Variants in TMEM114 observed in about 807,000 individuals in gnomAD.
TMEM114 encodes transmembrane protein 114, also known as claudin-26.
In TMEM114, 6 loss-of-function variants were observed where a neutral mutation model predicts 6.2. The observed-to-expected ratio is 0.97, with a 90% CI of 0.53 to 1.91. TMEM114 has a LOEUF of 1.91. TMEM114 is among the 40% of genes most tolerant of loss of function. The pLI is 0.01. For missense variants in TMEM114, 218 were observed against 158.3 expected (o/e 1.38, Z -2.02); for synonymous variants, 104 against 73.0 (o/e 1.42, Z -2.16).
At chr16:8,561,200 T>C (rs1223895076) in intron 2 of TMEM114, among the ~76,000 whole-genome samples, 3 of 152,254 alleles carry the variant, frequency 2.0e-5, no homozygotes, top group Admixed American at 6.5e-5. Context: ...TACTCCTGTC[T>C]GTCCAGCCCT....
At chr16:8,527,513 A>G in the TMEM114 span, among the ~76,000 whole-genome samples, 2 of 150,590 alleles carry the variant, frequency 1.3e-5, no homozygotes, top group Admixed American at 1.3e-4. Flanking sequence ...CAACTGTAAC[A>G]CCCAAGCAAG....
At chr16:8,542,142 T>TA (rs1555461288) in intron 2 of TMEM114, among the ~76,000 whole-genome samples, 3 of 150,128 alleles carry the variant, frequency 2.0e-5, no homozygotes, top group South Asian at 2.1e-4. Flanking sequence ...GGATGATTCG[T>TA]GGGGGGGGGT....
At chr16:8,571,311 C>G (rs1901726524) in intron 3 of TMEM114, among the ~76,000 whole-genome samples, 1 of 152,004 alleles carries the variant, frequency 6.6e-6, no homozygotes, top group African/African-American at 2.4e-5. Flanking sequence ...GTTTAATTGA[C>G]AAGTAAAAAT....
intron 2 of TMEM114, among the ~76,000 whole-genome samples, chr16:8,541,707 T>G (rs1443170608): frequency 6.6e-6 from 1 of 152,138 alleles, no homozygotes; most frequent in Non-Finnish European, 1.5e-5. Context: ...TAATGAAAAT[T>G]TCATATTCTC....
intron 2 of TMEM114, among the ~76,000 whole-genome samples, chr16:8,548,977 T>C (rs1900757902): frequency 6.7e-6 from 1 of 149,526 alleles, no homozygotes; most frequent in Non-Finnish European, 1.5e-5. Flanking sequence ...GGTCAGGAGA[T>C]CAAGACCATC....
At chr16:8,564,683 GAGTGAGTGAA>G (rs1901462546), downstream of TMEM114, among the ~76,000 whole-genome samples, 1 of 16,900 alleles carries the variant, frequency 5.9e-5, no homozygotes, top group South Asian at 1.6e-3. Flanking sequence ...ATGAGTGAAT[GAGTGAGTGAA>G]TGAGTGAGTG....
intron 2 of TMEM114, among the ~76,000 whole-genome samples, chr16:8,562,393 T>C (rs1901272702): frequency 6.6e-6 from 1 of 150,498 alleles, no homozygotes; most frequent in South Asian, 2.1e-4. Flanking sequence ...AGGGAATGAG[T>C]GAGTGAGTGA....
downstream of TMEM114, among the ~76,000 whole-genome samples, chr16:8,566,644 C>T (rs1425656217): frequency 6.6e-6 from 1 of 152,184 alleles, no homozygotes; most frequent in East Asian, 1.9e-4. Flanking sequence ...CGCCCACTGC[C>T]TTCTCTCTCC....
intron 2 of TMEM114, among the ~76,000 whole-genome samples, chr16:8,554,755 A>C (rs942324525): frequency 1.3e-5 from 2 of 152,340 alleles, no homozygotes; most frequent in South Asian, 2.1e-4. Context: ...CACAGATGAG[A>C]AGTCCTGTTC....
chr16:8,549,275 G>A (rs1000058528), intron 2 of TMEM114, among the ~76,000 whole-genome samples: 3 of 151,622 alleles, frequency 2.0e-5, no homozygotes, highest in African/African-American at 7.3e-5. Flanking sequence ...CAAGGTGGGT[G>A]GATCACCTGA....
rs1384865532 is a variant in TMEM114 at position 8,542,807 on chromosome 16, A to G, written n.213-4981T>C. Among the ~76,000 whole-genome samples, 8 of 152,220 alleles carry G rather than the reference A, an allele frequency of 5.3e-5. No individual in the cohort carries two copies. In the East Asian group the frequency reaches 9.6e-4, roughly 18 times the overall value. On this transcript the variant is annotated intron_variant and non_coding_transcript_variant, in intron 2 of 2. Coordinates refer to the TMEM114 transcript ENST00000623677. ...GAATCTCCTCAGTCTCAACTCCCCA[A>G]TCCTCCCAGCTCTTCCCCACATCCT...
downstream of TMEM114, among the ~76,000 whole-genome samples, chr16:8,537,376 C>T (rs1567192740): frequency 6.6e-6 from 1 of 152,124 alleles, no homozygotes; most frequent in South Asian, 2.1e-4. Flanking sequence ...TGGCACACGC[C>T]TGTAGTCCCA....
intron 2 of TMEM114, among the ~76,000 whole-genome samples, chr16:8,561,849 TGAATGAGTGAGTGAGG>T (rs1383537552): frequency 6.7e-6 from 1 of 148,446 alleles, no homozygotes; most frequent in East Asian, 2.0e-4. Flanking sequence ...AGTGAGTGAA[TGAATGAGTGAGTGAGG>T]GAATGAGTGA....
At chr16:8,552,120 A>G (rs1900863290) in intron 2 of TMEM114, among the ~76,000 whole-genome samples, 1 of 152,096 alleles carries the variant, frequency 6.6e-6, no homozygotes, top group South Asian at 2.1e-4. Flanking sequence ...CACACCTGTA[A>G]TCCCAGCACT....
intron 2 of TMEM114, among the ~76,000 whole-genome samples, chr16:8,553,101 C>G (rs149509888): frequency 6.6e-6 from 1 of 152,150 alleles, no homozygotes; most frequent in African/African-American, 2.4e-5. Context: ...CTTTGCTTGG[C>G]GAAGAGGCCA....
chr16:8,577,606 T>C (rs1466822955), intron 2 of TMEM114, among the ~76,000 whole-genome samples: 1 of 151,700 alleles, frequency 6.6e-6, no homozygotes, highest in African/African-American at 2.4e-5. Flanking sequence ...TTTTTTGAGA[T>C]TGAGTCTCGC....
chr16:8,553,429 C>G (rs1900906884), intron 2 of TMEM114, among the ~76,000 whole-genome samples: 1 of 152,162 alleles, frequency 6.6e-6, no homozygotes, highest in South Asian at 2.1e-4. Flanking sequence ...CTGAGTCTCA[C>G]TCTGTTGCCC....
rs1555464868 is a variant in TMEM114, at chr16:8,572,026, C to T, written c.439+61G>A. On this transcript the variant is annotated intron_variant, in intron 3 of 3. Coordinates refer to ENST00000620492, the MANE Select transcript of TMEM114 (RefSeq NM_001146336.2). ...CCCTCGTTTGCTGAGGGTTCATACA[C>T]AGTACCCATTGCCCAACCCCCAGAC... is the stretch of plus-strand genomic sequence containing the variant. The T allele has an allele frequency of 6.1e-6, 9 of 1,470,738 alleles. No individual in the cohort carries two copies. In the South Asian group the frequency reaches 1.0e-4, roughly 16 times the overall value. 91.1% of individuals were successfully genotyped at this position (1,470,738 alleles called of 1,614,324 possible).
At chr16:8,576,444 A>G (rs188344268) in intron 2 of TMEM114, among the ~76,000 whole-genome samples, 62 of 152,194 alleles carry the variant, frequency 4.1e-4, no homozygotes, top group Non-Finnish European at 6.0e-4. Context: ...CCCAACTTGA[A>G]CTGCAGGGGT....
Sources: allele counts gnomAD v4.1 joint callset (sites outside exome capture counted in the v4.1 genomes callset), GRCh38; gene constraint gnomAD v4.1.1; transcripts MANE v1.5; gene names NCBI Gene and HGNC (gene_info 2026-07-23, HGNC 2026-07-21).